The following PTK2 variants were observed in gnomAD, a reference collection of about 807,000 sequenced individuals.
PTK2 encodes the protein focal adhesion kinase 1.
A neutral mutation model predicts 150.1 loss-of-function variants in PTK2; 45 were observed. That is an observed-to-expected ratio of 0.30 (90% CI 0.24 to 0.38). The LOEUF (loss-of-function observed/expected upper bound fraction) is 0.38, where lower values mean the gene tolerates loss of function less well. PTK2 is among the 10% of genes least tolerant of loss of function. The pLI is 1.00. For synonymous variants in PTK2, 432 were observed against 449.2 expected (o/e 0.96, Z 0.48); for missense variants, 919 against 1,307.3 (o/e 0.70, Z 4.58).
intron 8 of PTK2, among the ~76,000 whole-genome samples, chr8:140,822,663 T>TA (rs1321135477): frequency 6.6e-6 from 1 of 152,194 alleles, no homozygotes; most frequent in Admixed American, 6.5e-5. Flanking sequence ...ACCACATCCC[T>TA]ATGGGTCTCA....
chr8:140,877,985 A>G (rs1241998976), intron 4 of PTK2, among the ~76,000 whole-genome samples: 1 of 152,212 alleles, frequency 6.6e-6, no homozygotes, highest in Non-Finnish European at 1.5e-5. Context: ...AAGTACCTTG[A>G]CACAGGAGGA....
At chr8:140,719,548 A>G (rs2100041627) in intron 22 of PTK2, among the ~76,000 whole-genome samples, 1 of 152,156 alleles carries the variant, frequency 6.6e-6, no homozygotes, top group South Asian at 2.1e-4. Context: ...TGGGAGGATT[A>G]AGGGAGATCA....
intron 5 of PTK2, among the ~76,000 whole-genome samples, chr8:140,855,372 G>T (rs984819190): frequency 3.9e-5 from 6 of 152,086 alleles, no homozygotes; most frequent in African/African-American, 7.2e-5. Context: ...GAGGCGGGTG[G>T]ATCACGAGGT....
chr8:140,980,096 T>G (rs1047446371), intron 1 of PTK2, among the ~76,000 whole-genome samples: 3 of 152,198 alleles, frequency 2.0e-5, no homozygotes, highest in Non-Finnish European at 4.4e-5. Context: ...ACATAGGCTA[T>G]GCACATCCAT....
At chr8:140,880,545 A>G (rs556075782) in intron 3 of PTK2, among the ~76,000 whole-genome samples, 98 of 152,338 alleles carry the variant, frequency 6.4e-4, no homozygotes, top group Non-Finnish European at 9.6e-4. Flanking sequence ...CTTTTAGGTG[A>G]TAAGACAAGT....
intron 17 of PTK2, among the ~76,000 whole-genome samples, chr8:140,750,627 A>G (rs1004194083): frequency 1.3e-5 from 2 of 152,336 alleles, no homozygotes; most frequent in East Asian, 3.9e-4. Context: ...GAGGAAGAGG[A>G]ACATCACCGC....
Position 140,978,285 on chromosome 8 carries a change from T to C in PTK2, c.-122+22840A>G, listed in dbSNP as rs544770611. Among the ~76,000 whole-genome samples, 122 of 152,352 alleles carry C rather than the reference T, an allele frequency of 8.0e-4. 1 individual carries two copies. Among genetic ancestry groups the C allele is most frequent in the African/African-American group, 2.6e-3 (109 of 41,586 alleles). On this transcript the variant is annotated intron_variant, in intron 1 of 31. Coordinates refer to ENST00000522684, the Ensembl canonical transcript of PTK2. ...GGATCTAATTAAATTAAAGAGCTTC[T>C]GCACAGCAAAAGAAACTATCATCAG...
rs74414986 is a variant in PTK2, at chr8:140,855,843, G to A, written c.450+8469C>T. Among the ~76,000 whole-genome samples the A allele has an allele frequency of 2.9e-4, 44 of 152,216 alleles. No individual in the cohort carries two copies. In the East Asian group the frequency reaches 6.6e-3, roughly 23 times the overall value. On this transcript the variant is annotated intron_variant, in intron 5 of 31. Coordinates refer to ENST00000522684, the Ensembl canonical transcript of PTK2. Reference sequence around the variant, plus strand: ...ATAAAATGAAAAGAGTTACAGAGAAGGATGGTGGGGATGGTTGTGCAATAT... The same window carrying A: ...ATAAAATGAAAAGAGTTACAGAGAAAGATGGTGGGGATGGTTGTGCAATAT...
At chr8:140,980,113 G>C (rs1447733006) in intron 1 of PTK2, among the ~76,000 whole-genome samples, 1 of 152,168 alleles carries the variant, frequency 6.6e-6, no homozygotes, top group East Asian at 1.9e-4. Flanking sequence ...CCATGTCTAT[G>C]AGCAATAAGA....
chr8:140,894,858 C>T (rs1050830844), intron 2 of PTK2, among the ~76,000 whole-genome samples: 7 of 152,108 alleles, frequency 4.6e-5, no homozygotes, highest in African/African-American at 1.2e-4. Context: ...TTTTGGTACG[C>T]TATAGAAGAT....
intron 1 of PTK2, among the ~76,000 whole-genome samples, chr8:140,942,619 AGTGC>A (rs66634003): frequency 1.1e-3 from 64 of 57,760 alleles, no homozygotes; most frequent in Non-Finnish European, 2.7e-3. Flanking sequence ...AGCTCTAATG[AGTGC>A]GTGCGTGTGT....
upstream of PTK2, chr8:141,001,934 A>T (rs1257328226): frequency 6.6e-6 from 1 of 152,270 alleles, no homozygotes; most frequent in Admixed American, 6.5e-5. Flanking sequence ...GGGACTTAGA[A>T]GTCCACTGGA....
At chr8:140,944,657 A>G (rs981808732) in intron 1 of PTK2, among the ~76,000 whole-genome samples, 1 of 152,242 alleles carries the variant, frequency 6.6e-6, no homozygotes, top group African/African-American at 2.4e-5. Context: ...CACAGTGCAA[A>G]TAAAGACCAG....
chr8:140,683,073 T>C (rs1019552605), intron 27 of PTK2, among the ~76,000 whole-genome samples: 17 of 151,910 alleles, frequency 1.1e-4, no homozygotes, highest in African/African-American at 1.9e-4. Context: ...AATTGGTTAT[T>C]TGAAAGAATA....
At chr8:140,890,947 G>C (rs1050166717) in intron 2 of PTK2, among the ~76,000 whole-genome samples, 178 bp from the exon 3 acceptor site, 11 of 152,002 alleles carry the variant, frequency 7.2e-5, no homozygotes, top group African/African-American at 2.4e-4. Flanking sequence ...CCCATACCCA[G>C]AGTAGGACCT....
intron 14 of PTK2, among the ~76,000 whole-genome samples, chr8:140,769,248 A>G (rs1315548025): frequency 1.3e-5 from 2 of 152,180 alleles, no homozygotes; most frequent in African/African-American, 2.4e-5. Flanking sequence ...AACAGAGTGT[A>G]TGGACCGCTA....
intron 1 of PTK2, among the ~76,000 whole-genome samples, chr8:140,931,409 C>A (rs1550954): frequency 0.96 from 146,596 of 152,114 alleles, 70,850 homozygotes; most frequent in East Asian, 1. Flanking sequence ...AAAAAAATAC[C>A]AAACAATTAG....
intron 26 of PTK2, among the ~76,000 whole-genome samples, chr8:140,690,419 G>A (rs983094721): frequency 6.6e-6 from 1 of 152,092 alleles, no homozygotes; most frequent in Non-Finnish European, 1.5e-5. Flanking sequence ...ACGCCACCAC[G>A]CCCAGTTAGA....
At chr8:140,830,547 T>C (rs773415636) in intron 7 of PTK2, 21 bp from the exon 8 acceptor site, 3 of 1,357,760 alleles carry the variant, frequency 2.2e-6, no homozygotes, top group Admixed American at 4.6e-5. Context: ...AAAAGAAGCG[T>C]ATTAACAAAT....
Sources: allele counts gnomAD v4.1 joint callset (sites outside exome capture counted in the v4.1 genomes callset), GRCh38; gene constraint gnomAD v4.1.1; transcripts MANE v1.5; gene names NCBI Gene and HGNC (gene_info 2026-07-23, HGNC 2026-07-21).